Variants in NAT1 observed in about 807,000 individuals in gnomAD.
The protein encoded by NAT1 is N-acetyltransferase 1.
For synonymous variants in NAT1, 144 were observed against 122.6 expected, an observed-to-expected ratio of 1.17 and a Z score of -1.16; for missense variants, 400 against 339.2, an observed-to-expected ratio of 1.18 and a Z score of -1.41.
chr8:18,191,787 T>C lies in NAT1; in HGVS notation n.93-17994T>C, dbSNP rs1266800053. 2.6e-5 allele frequency among the ~76,000 whole-genome samples: 4 copies of C among 151,324 alleles called. No homozygotes were observed. In the East Asian group the frequency reaches 7.8e-4, roughly 29 times the overall value. On this transcript the variant is annotated intron_variant and non_coding_transcript_variant, in intron 2 of 4. Coordinates refer to the NAT1 transcript ENST00000517441. Reference sequence around the variant, plus strand: ...GTGCTGGGAAAACTGGCTAGCCATATGTAGAAAGCTGAAACTGGATCCCTT... The same window carrying C: ...GTGCTGGGAAAACTGGCTAGCCATACGTAGAAAGCTGAAACTGGATCCCTT...
upstream of NAT1, among the ~76,000 whole-genome samples, chr8:18,208,587 T>C (rs1803836679): frequency 6.6e-6 from 1 of 152,174 alleles, no homozygotes; most frequent in South Asian, 2.1e-4. Flanking sequence ...CCAGTACTCA[T>C]TCCCCTGCAG....
chr8:18,217,623 G>T (rs1589120709), intron 1 of NAT1, among the ~76,000 whole-genome samples: 1 of 152,190 alleles, frequency 6.6e-6, no homozygotes, highest in Non-Finnish European at 1.5e-5. Flanking sequence ...AAACAAATAT[G>T]GCTGTCTGGA....
At position 18,188,442 on chromosome 8, in the gene NAT1, A is replaced by C. The variant is rs542627455; in HGVS notation, n.92+17703A>C. 6.2e-4 allele frequency among the ~76,000 whole-genome samples: 94 copies of C among 152,266 alleles called. 2 individuals carry two copies. In the South Asian group the frequency reaches 0.02, roughly 32 times the overall value. On this transcript the variant is annotated intron_variant and non_coding_transcript_variant, in intron 2 of 4. Transcript: ENST00000517441. ...ATTCCAGCATGGGGGAGGAGGGCAA[A>C]ATATACATTTATAAATGAATAAGTC...
At chr8:18,181,065 T>C (rs1802491761) in intron 2 of NAT1, among the ~76,000 whole-genome samples, 1 of 152,170 alleles carries the variant, frequency 6.6e-6, no homozygotes, top group Admixed American at 6.6e-5. Context: ...TTGATAGGAA[T>C]GCATTGAATC....
chr8:18,181,836 G>T (rs1802535110), intron 2 of NAT1, among the ~76,000 whole-genome samples: 1 of 152,182 alleles, frequency 6.6e-6, no homozygotes, highest in Non-Finnish European at 1.5e-5. Context: ...TAGTGGTGAA[G>T]CAGGCCAGGA....
chr8:18,180,557 T>A (rs1802473713), intron 2 of NAT1, among the ~76,000 whole-genome samples: 1 of 152,190 alleles, frequency 6.6e-6, no homozygotes, highest in Non-Finnish European at 1.5e-5. Flanking sequence ...ACTAGAATAA[T>A]GCTGGCCTCA....
chr8:18,185,608 T>C (rs1369203629), intron 2 of NAT1, among the ~76,000 whole-genome samples: 2 of 152,144 alleles, frequency 1.3e-5, no homozygotes, highest in Admixed American at 6.5e-5. Flanking sequence ...ACAAAACAAA[T>C]CTTAATGTTG....
intron 2 of NAT1, among the ~76,000 whole-genome samples, chr8:18,188,629 GGCT>G (rs1802841780): frequency 6.6e-6 from 1 of 151,732 alleles, no homozygotes; most frequent in African/African-American, 2.4e-5. Flanking sequence ...AAAAAATAGT[GGCT>G]TTTTTAGTTT....
intron 2 of NAT1, among the ~76,000 whole-genome samples, chr8:18,202,614 T>C (rs141936303): frequency 9.5e-4 from 145 of 152,130 alleles, no homozygotes; most frequent in Middle Eastern, 3.4e-3. Context: ...AGTGAAGCTG[T>C]AGACCTTCGC....
At chr8:18,203,534 C>T (rs6998240) in intron 2 of NAT1, among the ~76,000 whole-genome samples, 66,341 of 151,996 alleles carry the variant, frequency 0.44, 16,381 homozygotes, top group Non-Finnish European at 0.54. Context: ...GTCTTGGAGC[C>T]ATTAGATTTC....
intron 2 of NAT1, among the ~76,000 whole-genome samples, chr8:18,176,407 G>A (rs71526189): frequency 0.088 from 13,454 of 152,120 alleles, 848 homozygotes; most frequent in African/African-American, 0.17. Context: ...TTCTGCATAT[G>A]AGTGTGAGAT....
chr8:18,174,410 T>A (rs1563159022), intron 2 of NAT1, among the ~76,000 whole-genome samples: 1 of 152,096 alleles, frequency 6.6e-6, no homozygotes, highest in Non-Finnish European at 1.5e-5. Context: ...CACCCCTTAA[T>A]TTCCTCCTCT....
chr8:18,196,430 A>G (rs552749632), intron 2 of NAT1, among the ~76,000 whole-genome samples: 6 of 152,206 alleles, frequency 3.9e-5, no homozygotes, highest in Non-Finnish European at 5.9e-5. Context: ...TTGTGCCTCT[A>G]TAAAAGCCAC....
chr8:18,213,443 TG>T (rs1178229334), intron 1 of NAT1, among the ~76,000 whole-genome samples: 1 of 152,158 alleles, frequency 6.6e-6, no homozygotes, highest in Non-Finnish European at 1.5e-5. Flanking sequence ...GTGACTCCTG[TG>T]GTTTCATTTT....
intron 2 of NAT1, among the ~76,000 whole-genome samples, chr8:18,199,584 G>C (rs1589084024): frequency 6.6e-6 from 1 of 152,158 alleles, no homozygotes; most frequent in South Asian, 2.1e-4. Flanking sequence ...TTTGCCTTCA[G>C]TCTAAAGTTC....
At chr8:18,206,010 T>C (rs866603434), upstream of NAT1, among the ~76,000 whole-genome samples, 2 of 152,336 alleles carry the variant, frequency 1.3e-5, no homozygotes, top group African/African-American at 2.4e-5. Context: ...TGGCCATCCC[T>C]GGCCCTGCTC....
chr8:18,191,607 G>C (rs1303293999), intron 2 of NAT1, among the ~76,000 whole-genome samples: 4 of 152,052 alleles, frequency 2.6e-5, no homozygotes, highest in African/African-American at 7.2e-5. Context: ...CAAGGCTACA[G>C]TAACCAAAAC....
chr8:18,206,236 C>T (rs949085032), upstream of NAT1, among the ~76,000 whole-genome samples: 1 of 152,328 alleles, frequency 6.6e-6, no homozygotes, highest in East Asian at 1.9e-4. Context: ...ACAGGGACAA[C>T]ACCAGGTATG....
chr8:18,204,813 G>A (rs559521553), intron 2 of NAT1, among the ~76,000 whole-genome samples: 19 of 152,322 alleles, frequency 1.2e-4, no homozygotes, highest in Middle Eastern at 6.9e-3. Context: ...GGTGAAGAAT[G>A]TTATAAGACA....
Sources: allele counts gnomAD v4.1 joint callset (sites outside exome capture counted in the v4.1 genomes callset), GRCh38; gene constraint gnomAD v4.1.1; transcripts MANE v1.5; gene names NCBI Gene and HGNC (gene_info 2026-07-23, HGNC 2026-07-21).